The following GOLM2 variants were observed in gnomAD, a reference collection of about 807,000 sequenced individuals.
The protein encoded by GOLM2 is protein GOLM2.
Under a neutral mutation model 55.9 loss-of-function variants are expected in GOLM2, and 26 were observed. The ratio of observed to expected loss-of-function variants is 0.47; its 90% CI spans 0.34 to 0.65. The LOEUF is 0.65. Among genes scored for constraint, GOLM2 ranks in the 30% least tolerant of loss-of-function variants. GOLM2 has a pLI of 0.01. For missense variants in GOLM2, 486 were observed against 531.8 expected (o/e 0.91, Z 0.85); for synonymous variants, 165 against 194.6 (o/e 0.85, Z 1.27).
At chr15:44,400,193 T>C (rs2079555496) in intron 8 of GOLM2, among the ~76,000 whole-genome samples, 1 of 152,054 alleles carries the variant, frequency 6.6e-6, no homozygotes, top group Admixed American at 6.6e-5. Context: ...TTTCTATTTA[T>C]TTATTTATTT....
intron 8 of GOLM2, among the ~76,000 whole-genome samples, chr15:44,396,048 C>T (rs892919467): frequency 1.3e-5 from 2 of 151,968 alleles, no homozygotes; most frequent in African/African-American, 4.8e-5. Context: ...GACTTTATAA[C>T]TTTATTTTAA....
Position 44,413,631 on chromosome 15 carries a change from C to G in GOLM2, c.*225C>G, listed in dbSNP as rs1567047272. On this transcript the variant is annotated 3_prime_UTR_variant, in exon 10 of 10. Coordinates refer to ENST00000299957, the MANE Select transcript of GOLM2 (RefSeq NM_138423.4). ...TTTTTTGGTTATGATACAGTTAAGC[C>G]AAAAACAGCTAATCTTTGCATCTAA... 2.4e-6 allele frequency: 1 copy of G among 421,190 alleles called. No homozygotes were observed. Among genetic ancestry groups the G allele is most frequent in the African/African-American group, 2.1e-5 (1 of 48,522 alleles). The allele number at this position is 421,190 out of a possible 1,614,324, so 26.1% of individuals were successfully genotyped here. A position where few individuals can be genotyped will look rare whatever the true frequency, so the allele number is the denominator to read the frequency against.
At chr15:44,406,098 G>A (rs1430393209) in intron 9 of GOLM2, among the ~76,000 whole-genome samples, 2 of 152,062 alleles carry the variant, frequency 1.3e-5, no homozygotes, top group Admixed American at 6.6e-5. Context: ...GCAGAACATA[G>A]AGTAGAAAAA....
chr15:44,380,310 T>C (rs1438381622), intron 7 of GOLM2, among the ~76,000 whole-genome samples: 1 of 152,020 alleles, frequency 6.6e-6, no homozygotes, highest in Non-Finnish European at 1.5e-5. Context: ...ATTAAAGTCA[T>C]TGATGAGGAT....
chr15:44,292,799 G>T (rs2078730375), intron 1 of GOLM2, among the ~76,000 whole-genome samples: 2 of 151,816 alleles, frequency 1.3e-5, no homozygotes, highest in South Asian at 4.2e-4. Flanking sequence ...GTTTTTCAGG[G>T]TTTTTTTTAT....
intron 3 of GOLM2, among the ~76,000 whole-genome samples, chr15:44,331,301 G>A (rs1166426904): frequency 6.6e-6 from 1 of 152,142 alleles, no homozygotes; most frequent in Non-Finnish European, 1.5e-5. Flanking sequence ...GCAGGTGTGA[G>A]CCACCCTGCC....
rs572442762 is a variant in GOLM2, at chr15:44,327,238, A to C, written c.383-1447A>C. Among the ~76,000 whole-genome samples, 13 of 150,700 alleles carry C rather than the reference A, an allele frequency of 8.6e-5. No homozygotes were observed. The East Asian group carries it at 2.5e-3, about 29-fold the overall frequency. The stretch of plus-strand genomic sequence containing the variant: ...AGTGTTGGGATTACAGGCATGAGCC[A>C]CCACGCCCAGCCCCAACATCTGCTT... On this transcript the variant is annotated intron_variant, in intron 2 of 9. Coordinates refer to ENST00000299957, the MANE Select transcript of GOLM2 (RefSeq NM_138423.4).
chr15:44,408,862 C>T (rs569666888), intron 9 of GOLM2, among the ~76,000 whole-genome samples: 3 of 151,798 alleles, frequency 2.0e-5, no homozygotes, highest in Non-Finnish European at 4.4e-5. Flanking sequence ...TACTGGGGAG[C>T]CTGAGGCAGG....
chr15:44,308,363 A>G (rs2078852545), intron 1 of GOLM2: 1 of 152,148 alleles, frequency 6.6e-6, no homozygotes, highest in South Asian at 2.1e-4. Flanking sequence ...AATGTTTTCA[A>G]GATTCATTTA....
At chr15:44,401,360 G>C (rs2079564297) in intron 8 of GOLM2, among the ~76,000 whole-genome samples, 1 of 152,002 alleles carries the variant, frequency 6.6e-6, no homozygotes, top group African/African-American at 2.4e-5. Flanking sequence ...GGACTCCTGG[G>C]CTTAAGCAAT....
At position 44,288,783 on chromosome 15, in the gene GOLM2, T is replaced by C. The variant is rs2078697685; in HGVS notation, c.-247T>C. ...TGGCAGCTGGGTTCTCCCGGTTCCC[T>C]TGGGCAGGTGCAGGGTCGGGTTCAA... is the stretch of plus-strand genomic sequence containing the variant. On this transcript the variant is annotated 5_prime_UTR_variant, in exon 1 of 10. Transcript: ENST00000299957. 7.6e-6 allele frequency: 4 copies of C among 526,288 alleles called. No individual in the cohort carries two copies. The highest frequency in any genetic ancestry group is 4.0e-5 in the African/African-American group (2 of 49,524). The allele number at this position is 526,288 out of a possible 1,614,324, so 32.6% of individuals were successfully genotyped here.
At chr15:44,377,361 A>C (rs1365462880) in intron 6 of GOLM2, among the ~76,000 whole-genome samples, 1 of 152,030 alleles carries the variant, frequency 6.6e-6, no homozygotes, top group African/African-American at 2.4e-5. Context: ...AACAGAACAA[A>C]ACCCTGTCTC....
chr15:44,408,873 A>T (rs2079615225), intron 9 of GOLM2, among the ~76,000 whole-genome samples: 1 of 152,174 alleles, frequency 6.6e-6, no homozygotes. Context: ...CTGAGGCAGG[A>T]GAATGGTGTG....
intron 5 of GOLM2, 80 bp downstream of exon 5, chr15:44,337,987 T>C: frequency 7.5e-7 from 1 of 1,336,454 alleles, no homozygotes; most frequent in Non-Finnish European, 1.0e-6. Context: ...ATATTTTCAA[T>C]CATAAAGAAA....
chr15:44,407,208 A>G (rs1247747006), intron 9 of GOLM2, among the ~76,000 whole-genome samples: 1 of 146,584 alleles, frequency 6.8e-6, no homozygotes, highest in Non-Finnish European at 1.5e-5. Flanking sequence ...ATTTATATTT[A>G]TATTATATAT....
intron 8 of GOLM2, chr15:44,382,339 ACT>A (rs1342155774): frequency 6.6e-6 from 1 of 151,400 alleles, no homozygotes; most frequent in African/African-American, 2.4e-5. Context: ...ATGGAGTCTC[ACT>A]CTGTCACCCA....
At chr15:44,397,884 C>T (rs1035090771) in intron 8 of GOLM2, among the ~76,000 whole-genome samples, 2 of 152,172 alleles carry the variant, frequency 1.3e-5, no homozygotes, top group East Asian at 3.8e-4. Context: ...ATTATAGTTT[C>T]CAGGCTAGGA....
rs569326551 is a variant in GOLM2 at position 44,413,645 on chromosome 15, C to T, written c.*239C>T. The T allele has an allele frequency of 3.6e-3, 1,451 of 405,736 alleles. 8 individuals carry two copies. The highest frequency in any genetic ancestry group is 5.3e-3 in the Non-Finnish European group (1,185 of 224,266). The allele number at this position is 405,736 out of a possible 1,614,324, so 25.1% of individuals were successfully genotyped here. On this transcript the variant is annotated 3_prime_UTR_variant, in exon 10 of 10. Coordinates refer to ENST00000299957, the MANE Select transcript of GOLM2 (RefSeq NM_138423.4). ...TACAGTTAAGCCAAAAACAGCTAAT[C>T]TTTGCATCTAAAGCAAACTAATGTA...
intron 1 of GOLM2, among the ~76,000 whole-genome samples, chr15:44,299,323 C>G (rs547731507): frequency 6.6e-6 from 1 of 150,844 alleles, no homozygotes; most frequent in Non-Finnish European, 1.5e-5. Flanking sequence ...GACAGAGTCT[C>G]GCTCTGTCGC....
Sources: allele counts gnomAD v4.1 joint callset (sites outside exome capture counted in the v4.1 genomes callset), GRCh38; gene constraint gnomAD v4.1.1; transcripts MANE v1.5; gene names NCBI Gene and HGNC (gene_info 2026-07-23, HGNC 2026-07-21).